Variants in FAAH2 observed in about 807,000 individuals in gnomAD.
FAAH2 encodes fatty-acid amide hydrolase 2.
Under a neutral mutation model 36.9 loss-of-function variants are expected in FAAH2, and 60 were observed. The observed-to-expected ratio is 1.63, with a 90% CI of 1.32 to 2.02. The LOEUF (loss-of-function observed/expected upper bound fraction) is 2.02, where lower values mean the gene tolerates loss of function less well. Among genes scored for constraint, FAAH2 ranks in the 30% most tolerant of loss-of-function variants. The probability of loss-of-function intolerance (pLI) is 0.00; values close to 1 mark genes in which losing one functional copy is unlikely to be tolerated. For synonymous variants in FAAH2, 214 were observed against 143.8 expected (o/e 1.49, Z -3.49); for missense variants, 689 against 397.5 (o/e 1.73, Z -6.23).
chrX:57,292,489 A>G lies in FAAH2; in HGVS notation c.193-9A>G. ...AAATGGCTGCTGACTAAAGTATTGTATTTTGCAGGTGAAATGTATAGATGT... is the reference window on the plus strand; with the variant it reads ...AAATGGCTGCTGACTAAAGTATTGTGTTTTGCAGGTGAAATGTATAGATGT... On this transcript the variant is annotated splice_polypyrimidine_tract_variant and intron_variant, in intron 1 of 10. Transcript: ENST00000374900. The G allele has an allele frequency of 8.3e-7, 1 of 1,198,785 alleles. No individual in the cohort carries two copies. The highest frequency in any genetic ancestry group is 1.1e-6 in the Non-Finnish European group (1 of 887,094).
chrX:57,454,426 A>G (rs868846815), intron 10 of FAAH2, among the ~76,000 whole-genome samples: 37 of 111,741 alleles, frequency 3.3e-4, no homozygotes, highest in South Asian at 3.8e-4. Flanking sequence ...CTTACCTATA[A>G]ACGTACACAT....
chrX:57,295,842 C>T (rs988049294), intron 2 of FAAH2, among the ~76,000 whole-genome samples: 4 of 112,473 alleles, frequency 3.6e-5, no homozygotes, highest in Non-Finnish European at 5.6e-5. Context: ...CCTACGCCCA[C>T]GGAGCCTCAC....
the FAAH2 span, among the ~76,000 whole-genome samples, chrX:57,167,948 T>C: frequency 9.0e-6 from 1 of 111,222 alleles, no homozygotes; most frequent in Non-Finnish European, 1.9e-5. Context: ...TTCAAGATCT[T>C]TATGTGATGT....
the FAAH2 span, among the ~76,000 whole-genome samples, chrX:57,208,690 T>C: frequency 8.9e-6 from 1 of 111,985 alleles, no homozygotes. Context: ...CTTACCCACA[T>C]ATTTACTGAC....
chrX:57,468,848 G>T (rs762561541), intron 10 of FAAH2, among the ~76,000 whole-genome samples: 83 of 111,817 alleles, frequency 7.4e-4, no homozygotes, highest in Admixed American at 2.0e-3. Context: ...CAGCCAGAGA[G>T]AAAGGTTGGG....
the FAAH2 span, among the ~76,000 whole-genome samples, chrX:57,249,536 C>T: frequency 8.9e-6 from 1 of 111,929 alleles, no homozygotes; most frequent in African/African-American, 3.2e-5. Flanking sequence ...TGCATGCAGG[C>T]ATATAGCTTG....
the FAAH2 span, among the ~76,000 whole-genome samples, chrX:57,279,943 C>T: frequency 4.5e-5 from 5 of 111,873 alleles, no homozygotes; most frequent in African/African-American, 6.5e-5. Context: ...GACATTGATT[C>T]CCTCTCTGAC....
At chrX:57,221,550 T>C in the FAAH2 span, among the ~76,000 whole-genome samples, 1 of 111,001 alleles carries the variant, frequency 9.0e-6, no homozygotes, top group African/African-American at 3.3e-5. Context: ...CAAACTCCCC[T>C]TTTAACACAC....
chrX:57,425,190 T>C (rs752983134), intron 7 of FAAH2, among the ~76,000 whole-genome samples: 29 of 111,071 alleles, frequency 2.6e-4, no homozygotes, highest in Non-Finnish European at 5.5e-4. Context: ...AGAAATAGTT[T>C]CAAAAAAAGC....
chrX:57,317,907 T>C (rs1339724640), intron 3 of FAAH2, among the ~76,000 whole-genome samples: 1 of 111,892 alleles, frequency 8.9e-6, no homozygotes, highest in Non-Finnish European at 1.9e-5. Flanking sequence ...AATCTGCTCC[T>C]GAATGACTAC....
At chrX:57,316,753 G>A (rs1340801200) in intron 3 of FAAH2, among the ~76,000 whole-genome samples, 1 of 110,946 alleles carries the variant, frequency 9.0e-6, no homozygotes, top group Admixed American at 9.6e-5. Flanking sequence ...AATGTAAGAC[G>A]TCAAACTCTA....
At chrX:57,230,984 T>A in the FAAH2 span, among the ~76,000 whole-genome samples, 22 of 109,673 alleles carry the variant, frequency 2.0e-4, no homozygotes, top group African/African-American at 7.3e-4. Context: ...ATTTTAAATA[T>A]TATTTGTAGA....
chrX:57,353,719 C>T (rs1403235636), intron 5 of FAAH2, among the ~76,000 whole-genome samples: 1 of 110,819 alleles, frequency 9.0e-6, no homozygotes, highest in African/African-American at 3.3e-5. Context: ...CAACTGAAGA[C>T]TTATATTCAG....
At chrX:57,212,034 G>A in the FAAH2 span, among the ~76,000 whole-genome samples, 2 of 111,653 alleles carry the variant, frequency 1.8e-5, no homozygotes, top group Non-Finnish European at 3.8e-5. Flanking sequence ...CCCAGAGTGT[G>A]AGACCGGCCT....
chrX:57,395,220 C>T (rs1205112129), intron 7 of FAAH2: 20 of 577,535 alleles, frequency 3.5e-5, no homozygotes, highest in African/African-American at 2.3e-5. Context: ...TGGCTTTCAT[C>T]CCAATCTCTT....
chrX:57,184,327 C>T, the FAAH2 span, among the ~76,000 whole-genome samples: 1 of 111,598 alleles, frequency 9.0e-6, no homozygotes, highest in South Asian at 3.7e-4. Context: ...TCTTACACCC[C>T]CTCTCCTTTT....
At chrX:57,180,037 G>A in the FAAH2 span, among the ~76,000 whole-genome samples, 1 of 111,933 alleles carries the variant, frequency 8.9e-6, no homozygotes, top group Non-Finnish European at 1.9e-5. Flanking sequence ...AATGAAATTA[G>A]GCAGGTCGCA....
At chrX:57,484,769 G>A (rs987350384) in intron 10 of FAAH2, among the ~76,000 whole-genome samples, 1 of 111,222 alleles carries the variant, frequency 9.0e-6, no homozygotes, top group Non-Finnish European at 1.9e-5. Flanking sequence ...GTGCCAGGAG[G>A]ACTGGATAGG....
chrX:57,368,492 C>T (rs1204072877), intron 5 of FAAH2, among the ~76,000 whole-genome samples: 1 of 111,271 alleles, frequency 9.0e-6, no homozygotes, highest in African/African-American at 3.3e-5. Flanking sequence ...GTGGCATACC[C>T]CATGGAACAA....
Sources: allele counts gnomAD v4.1 joint callset (sites outside exome capture counted in the v4.1 genomes callset), GRCh38; gene constraint gnomAD v4.1.1; transcripts MANE v1.5; gene names NCBI Gene and HGNC (gene_info 2026-07-23, HGNC 2026-07-21).